The following SGK3 variants were observed in gnomAD, a reference collection of about 807,000 sequenced individuals.
The protein encoded by SGK3 is serum/glucocorticoid regulated kinase family member 3.
SGK3 carries 47 observed loss-of-function variants against 68.5 expected under a neutral mutation model. The ratio of observed to expected loss-of-function variants is 0.69; its 90% CI spans 0.54 to 0.87. The LOEUF (loss-of-function observed/expected upper bound fraction) is 0.87, where lower values mean the gene tolerates loss of function less well. Among genes scored for constraint, SGK3 ranks in the 40% least tolerant of loss-of-function variants. The pLI, the probability that SGK3 is intolerant of heterozygous loss-of-function variation, is 0.00. For missense variants in SGK3, 479 were observed against 575.5 expected, an observed-to-expected ratio of 0.83 and a Z score of 1.72; for synonymous variants, 181 against 189.1, an observed-to-expected ratio of 0.96 and a Z score of 0.35.
chr8:66,805,275 T>C (rs1808108310), intron 4 of SGK3, among the ~76,000 whole-genome samples: 1 of 151,846 alleles, frequency 6.6e-6, no homozygotes, highest in African/African-American at 2.4e-5. Flanking sequence ...ATCCTAGCAC[T>C]TTGGGAGGCT....
At chr8:66,758,361 A>G (rs895870258) in intron 1 of SGK3, among the ~76,000 whole-genome samples, 2 of 152,128 alleles carry the variant, frequency 1.3e-5, no homozygotes, top group Non-Finnish European at 2.9e-5. Flanking sequence ...CTCAAAAACA[A>G]ACAAAAAAGT....
At chr8:66,753,807 G>A (rs1413932576) in intron 1 of SGK3, among the ~76,000 whole-genome samples, 4 of 152,020 alleles carry the variant, frequency 2.6e-5, no homozygotes, top group Non-Finnish European at 2.9e-5. Context: ...CAGCAAGAGC[G>A]AAACTCCCTC....
chr8:66,857,799 ATGTGTG>A lies in SGK3; in HGVS notation c.1321-1574_1321-1569del, dbSNP rs111758415. On this transcript the variant is annotated intron_variant, in intron 16 of 16. Transcript: ENST00000521198. ...CCCTGTCTCAAAAAAGTGTGTGTGT[ATGTGTG>A]TGTGTGTGTGTGTGTGTGTGTGTGT... Among the ~76,000 whole-genome samples the A allele has an allele frequency of 4.6e-3, 621 of 133,814 alleles. 5 individuals carry two copies. Among genetic ancestry groups the A allele is most frequent in the African/African-American group, 0.014 (504 of 36,510 alleles). The allele number at this position is 133,814 out of a possible 152,430, so 87.8% of individuals were successfully genotyped here. A position where few individuals can be genotyped will look rare whatever the true frequency, so the allele number is the denominator to read the frequency against.
At chr8:66,844,678 C>T (rs1379527115) in intron 14 of SGK3, among the ~76,000 whole-genome samples, 1 of 152,204 alleles carries the variant, frequency 6.6e-6, no homozygotes, top group African/African-American at 2.4e-5. Context: ...CTGCTGCTAC[C>T]GCTGATGTTA....
rs149285740 is a variant in SGK3 at position 66,796,172 on chromosome 8, C to G, written c.96+2340C>G. Among the ~76,000 whole-genome samples, 997 of 151,832 alleles carry G rather than the reference C, an allele frequency of 6.6e-3. 9 individuals carry two copies. The highest frequency in any genetic ancestry group is 0.023 in the African/African-American group (954 of 41,362). ...TATTTTTTTGAGACAGAATCTCGCT[C>G]TGTCGCCAGGCTGGAGTGCAGTGGT... is the stretch of plus-strand genomic sequence containing the variant. On this transcript the variant is annotated intron_variant, in intron 2 of 16. Coordinates refer to ENST00000521198, the MANE Select transcript of SGK3 (RefSeq NM_001033578.3).
intron 6 of SGK3, among the ~76,000 whole-genome samples, chr8:66,824,307 G>A (rs1238609689): frequency 1.3e-5 from 2 of 152,026 alleles, no homozygotes; most frequent in African/African-American, 4.8e-5. Context: ...CCATACAAAT[G>A]GGTTTTTGAA....
chr8:66,856,483 G>C (rs1810512958), intron 16 of SGK3, among the ~76,000 whole-genome samples: 1 of 152,164 alleles, frequency 6.6e-6, no homozygotes, highest in African/African-American at 2.4e-5. Context: ...TTTACTTACT[G>C]ATTGAGCATC....
rs573915628 is a variant in SGK3 at position 66,724,312 on chromosome 8, G to A, written c.-122+11479G>A. ...CCTTTTAAAAGTCCACTAAGGCTGG[G>A]CGCGGCGGCTCACGCCTGTAATCCC... On this transcript the variant is annotated intron_variant, in intron 1 of 16. Coordinates refer to ENST00000521198, the MANE Select transcript of SGK3 (RefSeq NM_001033578.3). Among the ~76,000 whole-genome samples, 13 of 152,324 alleles carry A rather than the reference G, an allele frequency of 8.5e-5. No homozygotes were observed. The South Asian group carries it at 2.5e-3, about 29-fold the overall frequency.
At chr8:66,736,195 A>G (rs1295641630) in intron 1 of SGK3, among the ~76,000 whole-genome samples, 1 of 152,222 alleles carries the variant, frequency 6.6e-6, no homozygotes, top group East Asian at 1.9e-4. Context: ...CAGGATTGTT[A>G]TTAAGCTTAG....
intron 1 of SGK3, 63 bp from the exon 2 acceptor site, chr8:66,793,553 A>C: frequency 2.0e-6 from 1 of 509,060 alleles, no homozygotes. Flanking sequence ...TGCTTAAAGA[A>C]TGACAGTCAT....
intron 1 of SGK3, among the ~76,000 whole-genome samples, chr8:66,768,767 A>G (rs756550651): frequency 1.3e-5 from 2 of 151,882 alleles, no homozygotes; most frequent in Non-Finnish European, 1.5e-5. Context: ...GTTTCACCAT[A>G]TTTACCAGGC....
chr8:66,840,333 G>C, intron 12 of SGK3, 86 bp downstream of exon 12: 1 of 1,245,434 alleles, frequency 8.0e-7, no homozygotes, highest in Non-Finnish European at 1.1e-6. Context: ...CAGAGATTCT[G>C]TACTGCGTTA....
intron 4 of SGK3, among the ~76,000 whole-genome samples, chr8:66,806,202 T>C (rs1051490124): frequency 2.0e-5 from 3 of 152,174 alleles, no homozygotes; most frequent in African/African-American, 4.8e-5. Context: ...TTTCTTTTTT[T>C]TCCCCCCTTG....
intron 2 of SGK3, among the ~76,000 whole-genome samples, chr8:66,795,111 G>A (rs978698315): frequency 1.3e-5 from 2 of 152,182 alleles, no homozygotes; most frequent in Non-Finnish European, 2.9e-5. Context: ...CCCATGACAG[G>A]TGACTTTCAA....
intron 1 of SGK3, among the ~76,000 whole-genome samples, chr8:66,784,025 G>A (rs1807098193): frequency 6.6e-6 from 1 of 152,078 alleles, no homozygotes; most frequent in Non-Finnish European, 1.5e-5. Flanking sequence ...AGCCTCTCAA[G>A]TAGCCAGGAC....
chr8:66,834,761 G>A (rs1411945442), intron 8 of SGK3, among the ~76,000 whole-genome samples: 6 of 151,594 alleles, frequency 4.0e-5, no homozygotes, highest in African/African-American at 1.2e-4. Context: ...GTGAAACCCC[G>A]TCTCTACTAA....
chr8:66,843,198 G>A (rs959602773), intron 13 of SGK3, among the ~76,000 whole-genome samples: 18 of 152,066 alleles, frequency 1.2e-4, no homozygotes, highest in Admixed American at 3.3e-4. Context: ...TTCTACCTTC[G>A]CGATACTCTT....
chr8:66,773,271 A>G (rs750852237), intron 1 of SGK3, among the ~76,000 whole-genome samples: 5 of 152,248 alleles, frequency 3.3e-5, no homozygotes, highest in Non-Finnish European at 5.9e-5. Flanking sequence ...TTCTTTATAC[A>G]GAGATGGCAG....
intron 1 of SGK3, among the ~76,000 whole-genome samples, chr8:66,739,856 A>G (rs1390674927): frequency 6.6e-6 from 1 of 152,216 alleles, no homozygotes; most frequent in East Asian, 1.9e-4. Flanking sequence ...TGAAGGGGGA[A>G]GCCCCTTATA....
Sources: gnomAD v4.1 joint callset for allele counts (sites outside exome capture counted in the v4.1 genomes callset) on GRCh38, gnomAD v4.1.1 for gene constraint, MANE v1.5 for transcripts, NCBI Gene and HGNC (gene_info 2026-07-23, HGNC 2026-07-21) for gene names.